The following PKHD1 variants were observed in gnomAD, a reference collection of about 807,000 sequenced individuals.
PKHD1 encodes fibrocystin.
Under a neutral mutation model 412.0 loss-of-function variants are expected in PKHD1, and 291 were observed. The ratio of observed to expected loss-of-function variants is 0.71; its 90% CI spans 0.64 to 0.78. The LOEUF is 0.78. Ranked by LOEUF, PKHD1 falls within the 30% of genes least tolerant of loss-of-function variation. The pLI is 0.00. For synonymous variants in PKHD1, 1,777 were observed against 1,821.5 expected (o/e 0.98, Z 0.62); for missense variants, 4,825 against 4,950.7 (o/e 0.97, Z 0.76).
chr6:51,883,505 T>C (rs1777721488), intron 45 of PKHD1, among the ~76,000 whole-genome samples: 1 of 152,102 alleles, frequency 6.6e-6, no homozygotes, highest in African/African-American at 2.4e-5. Flanking sequence ...TAAAATAAAC[T>C]TGGAGTGGCC....
At chr6:51,720,908 G>A (rs960702281) in intron 60 of PKHD1, 1 of 796,530 alleles carries the variant, frequency 1.3e-6, no homozygotes, top group African/African-American at 1.9e-5. Flanking sequence ...TGCCCAATAA[G>A]TATCTGTTGA....
intron 35 of PKHD1, among the ~76,000 whole-genome samples, chr6:52,004,033 G>C (rs1013770732): frequency 3.3e-5 from 5 of 152,028 alleles, no homozygotes; most frequent in African/African-American, 1.2e-4. Flanking sequence ...TGAATTTGTA[G>C]TTTTCACCAA....
chr6:51,658,889 C>T (rs927718792), intron 61 of PKHD1, 63 bp downstream of exon 61: 6 of 1,014,454 alleles, frequency 5.9e-6, no homozygotes, highest in Admixed American at 1.7e-5. Flanking sequence ...ACATTTGCAA[C>T]ATATGTCAAT....
chr6:51,676,954 T>C (rs1193338292), intron 60 of PKHD1, among the ~76,000 whole-genome samples: 1 of 152,172 alleles, frequency 6.6e-6, no homozygotes, highest in South Asian at 2.1e-4. Context: ...TTAAGCAGAA[T>C]AGATTCAATA....
chr6:51,848,409 G>C (rs1028762459), intron 49 of PKHD1, among the ~76,000 whole-genome samples: 3 of 152,124 alleles, frequency 2.0e-5, no homozygotes, highest in African/African-American at 4.8e-5. Context: ...TAACATTGTG[G>C]GAGCATTTAC....
At chr6:51,883,275 T>C (rs1777668634) in intron 45 of PKHD1, 48 bp from the exon 46 acceptor site, 1 of 1,540,050 alleles carries the variant, frequency 6.5e-7, no homozygotes, top group Admixed American at 1.7e-5. Context: ...TTGGTTTTTC[T>C]TGCGGACTTC....
rs529462160 is a variant in PKHD1 at position 51,865,926 on chromosome 6, T to C, written c.7733+1937A>G. On this transcript the variant is annotated intron_variant, in intron 48 of 66. Transcript: ENST00000371117. ...AGCTAGGGATAGAATCATAGAAAGA[T>C]AAAATTAGAAGGACCTTAGAGGAGT... Among the ~76,000 whole-genome samples the C allele has an allele frequency of 9.2e-5, 14 of 152,282 alleles. No individual in the cohort carries two copies. The South Asian group carries it at 2.3e-3, about 25-fold the overall frequency.
chr6:51,693,905 G>A (rs531195557), intron 60 of PKHD1, among the ~76,000 whole-genome samples: 1 of 152,266 alleles, frequency 6.6e-6, no homozygotes, highest in East Asian at 1.9e-4. Flanking sequence ...TAGGGCTTAA[G>A]CATCTTTTTC....
At chr6:52,073,233 G>T (rs1338433521) in intron 7 of PKHD1, among the ~76,000 whole-genome samples, 3 of 152,186 alleles carry the variant, frequency 2.0e-5, no homozygotes, top group South Asian at 4.1e-4. Flanking sequence ...TTCACACTGA[G>T]CCCAGAGTGA....
chr6:51,923,441 A>C (rs1204343352), intron 37 of PKHD1, among the ~76,000 whole-genome samples: 1 of 152,036 alleles, frequency 6.6e-6, no homozygotes, highest in East Asian at 1.9e-4. Flanking sequence ...GTATAAAAGC[A>C]AGGAATGGAC....
intron 37 of PKHD1, among the ~76,000 whole-genome samples, chr6:51,921,826 A>G (rs926392508): frequency 6.6e-6 from 1 of 152,086 alleles, no homozygotes; most frequent in African/African-American, 2.4e-5. Flanking sequence ...TTAGCCATTC[A>G]TCTAATCTTT....
intron 37 of PKHD1, among the ~76,000 whole-genome samples, chr6:51,929,121 G>GA (rs1259075215): frequency 6.6e-6 from 1 of 152,166 alleles, no homozygotes; most frequent in Non-Finnish European, 1.5e-5. Context: ...TTAATCAGGT[G>GA]ACGAGAGAGT....
intron 60 of PKHD1, among the ~76,000 whole-genome samples, chr6:51,661,675 C>T (rs1459241660): frequency 6.6e-6 from 1 of 152,040 alleles, no homozygotes; most frequent in Non-Finnish European, 1.5e-5. Flanking sequence ...ATTCCTAATA[C>T]CTCCTATATG....
rs141473212 is a variant in PKHD1, at chr6:51,960,006, G to T, written c.5772C>A (p.Phe1924Leu). Reference sequence around the variant, plus strand: ...TGTGAGTCCTGGACCATCTCCGGCAGAACTGTAAAGAAAAGTTGCCCTGGA... The same window carrying T: ...TGTGAGTCCTGGACCATCTCCGGCATAACTGTAAAGAAAAGTTGCCCTGGA... The part of the protein sequence containing the change: ...QNTQGNFSLQ[F>L]CRRWSRTHSW... The change falls in exon 36 of 67, where the codon TTC (phenylalanine) becomes TTA (leucine). Residue 1924 changes from phenylalanine (F) to leucine (L), a missense_variant. By Grantham distance (22) the Phe-to-Leu change is conservative (BLOSUM62 0). Transcript: ENST00000371117. The T allele has an allele frequency of 8.7e-6, 14 of 1,613,300 alleles. No individual in the cohort carries two copies. In the East Asian group the frequency reaches 3.1e-4, roughly 36 times the overall value.
chr6:51,763,948 C>CT lies in PKHD1; in HGVS notation c.8642+8753dup, dbSNP rs61384250. On this transcript the variant is annotated intron_variant, in intron 55 of 66. Coordinates refer to ENST00000371117, the MANE Select transcript of PKHD1 (RefSeq NM_138694.4). ...TGCTCTTAGGGTAAAAACTAAAATTCTTTTTTTTTTTTTTATTATACTTTA... is the reference window on the plus strand; with the variant it reads ...TGCTCTTAGGGTAAAAACTAAAATTCTTTTTTTTTTTTTTTATTATACTTTA... Among the ~76,000 whole-genome samples, 442 of 126,436 alleles carry CT rather than the reference C, an allele frequency of 3.5e-3. 2 individuals carry two copies. Among genetic ancestry groups the CT allele is most frequent in the East Asian group, 0.026 (75 of 2,908 alleles). The allele number at this position is 126,436 out of a possible 152,430, so 82.9% of individuals were successfully genotyped here. A position where few individuals can be genotyped will look rare whatever the true frequency, so the allele number is the denominator to read the frequency against.
rs747821272 is a variant in PKHD1, at chr6:51,659,638, C to A, written c.10488G>T (p.Leu3496Phe). 1.2e-5 allele frequency: 20 copies of A among 1,613,608 alleles called. No individual in the cohort carries two copies. Among genetic ancestry groups the A allele is most frequent in the Non-Finnish European group, 1.4e-5 (16 of 1,179,778 alleles). Residue 3496 changes from leucine to phenylalanine, a missense_variant, in exon 61 of 67, where the codon TTG becomes TTT. Transcript: ENST00000371117. The part of the protein sequence containing the change: ...LGNKSTSKLL[L>F]AVFYHELQSP... ...TCTGGAGCTCATGGTAGAATACAGC[C>A]AAGAGAAGCTTGGAGGTACTTTTGT...
intron 60 of PKHD1, among the ~76,000 whole-genome samples, chr6:51,743,800 T>A (rs1474157886): frequency 6.6e-6 from 1 of 152,102 alleles, no homozygotes; most frequent in African/African-American, 2.4e-5. Flanking sequence ...GTCAGCTTGT[T>A]AGTGGAAATA....
At chr6:51,629,531 A>T (rs1034616950) in intron 65 of PKHD1, among the ~76,000 whole-genome samples, 1 of 152,036 alleles carries the variant, frequency 6.6e-6, no homozygotes, top group Non-Finnish European at 1.5e-5. Context: ...TTGGATAGGC[A>T]TGATCAAGAA....
intron 43 of PKHD1, among the ~76,000 whole-genome samples, chr6:51,901,469 A>G (rs1261567304): frequency 6.6e-6 from 1 of 152,034 alleles, no homozygotes; most frequent in Admixed American, 6.6e-5. Flanking sequence ...GAATTGAACA[A>G]TGAGATCACA....
Sources: allele counts gnomAD v4.1 joint callset (sites outside exome capture counted in the v4.1 genomes callset), GRCh38; gene constraint gnomAD v4.1.1; transcripts MANE v1.5; gene names NCBI Gene and HGNC (gene_info 2026-07-23, HGNC 2026-07-21).